Variants in CGB1 observed in about 807,000 individuals in gnomAD.
CGB1 encodes chorionic gonadotropin subunit beta 1, also known as choriogonadotropin subunit beta variant 1.
Under a neutral mutation model 7.0 loss-of-function variants are expected in CGB1, and 4 were observed. The ratio of observed to expected loss-of-function variants is 0.57; its 90% confidence interval spans 0.28 to 1.31. The LOEUF is 1.31. Among genes scored for constraint, CGB1 ranks in the 50% most tolerant of loss-of-function variants. The pLI is 0.10. For missense variants in CGB1, 139 were observed against 219.1 expected, an observed-to-expected ratio of 0.63 and a Z score of 2.31; for synonymous variants, 72 against 96.4, an observed-to-expected ratio of 0.75 and a Z score of 1.48.
At position 49,036,740 on chromosome 19, in the gene CGB1, A is replaced by T; in HGVS notation, c.-29T>A. 1 of 1,613,702 alleles carries T rather than the reference A, an allele frequency of 6.2e-7. No individual in the cohort carries two copies. The highest frequency in any genetic ancestry group is 8.5e-7 in the Non-Finnish European group (1 of 1,179,630). ...TCTCTCTTAGCGGGATATCTTCCGC[A>T]AGCACTGGGAATGTGGACATGGAAA... On this transcript the variant is annotated 5_prime_UTR_variant, in exon 1 of 3. Transcript: ENST00000301407.
At position 49,035,585 on chromosome 19, in the gene CGB1, T is replaced by G; in HGVS notation, c.*25A>C. The stretch of plus-strand genomic sequence containing the variant: ...CCTCCAGAGTGCGGATTGAGAAGCC[T>G]TTATTGTGGGAGGATCGGGGTGTCC... On this transcript the variant is annotated 3_prime_UTR_variant, in exon 3 of 3. Coordinates refer to ENST00000301407, the MANE Select transcript of CGB1 (RefSeq NM_033377.2). The G allele has an allele frequency of 6.2e-7, 1 of 1,611,862 alleles. No individual in the cohort carries two copies. The highest frequency in any genetic ancestry group is 8.5e-7 in the Non-Finnish European group (1 of 1,179,902).
chr19:49,035,731 G>A lies in CGB1; in HGVS notation c.347C>T (p.Thr116Ile), dbSNP rs1600223327. 1 of 1,608,906 alleles carries A rather than the reference G, an allele frequency of 6.2e-7. No homozygotes were observed. Among genetic ancestry groups the A allele is most frequent in the South Asian group, 1.1e-5 (1 of 90,868 alleles). The change falls in exon 3 of 3, where the codon ACT becomes ATT. Residue 116 changes from threonine (T) to isoleucine (I), a missense_variant. Physicochemically the swap from Thr to Ile is moderately conservative, Grantham distance 89 (BLOSUM62 -1). Around this residue, in one of 4 missense-constraint regions of CGB1, gnomAD observed 60 missense variants for 105.8 expected, o/e 0.57. Transcript: ENST00000301407. The part of the protein sequence containing the change: ...CQCALCRRST[T>I]DCGGPKDHPL... Reference sequence around the variant, plus strand: ...GTGGTCCTTGGGACCCCCGCAGTCAGTGGTGCTGCGGCGGCAGAGTGCACA... The same window carrying A: ...GTGGTCCTTGGGACCCCCGCAGTCAATGGTGCTGCGGCGGCAGAGTGCACA...
At chr19:49,036,624 G>A in intron 1 of CGB1, 79 bp downstream of exon 1, 3 of 1,614,008 alleles carry the variant, frequency 1.9e-6, no homozygotes, top group South Asian at 2.2e-5. Flanking sequence ...CTGGAAGGAG[G>A]TGGAAGGTGC....
intron 1 of CGB1, 139 bp downstream of exon 1, chr19:49,036,564 C>A (rs1329525188): frequency 2.7e-5 from 43 of 1,612,034 alleles, no homozygotes; most frequent in Non-Finnish European, 3.6e-5. Flanking sequence ...CAGAAAGAGG[C>A]CTCCTTCCAC....
chr19:49,036,338 A>T (rs1342686215), intron 1 of CGB1, 35 bp from the exon 2 acceptor site: 2 of 1,603,128 alleles, frequency 1.2e-6, no homozygotes, highest in East Asian at 4.5e-5. Flanking sequence ...CGGGTCTGAG[A>T]CTGCAGCCCC....
chr19:49,036,854 T>G lies in CGB1; in HGVS notation c.-143A>C. 2.5e-6 allele frequency: 3 copies of G among 1,200,942 alleles called. No homozygotes were observed. Among genetic ancestry groups the G allele is most frequent in the South Asian group, 1.3e-5 (1 of 78,782 alleles). The allele number at this position is 1,200,942 out of a possible 1,614,324, so 74.4% of individuals were successfully genotyped here. ...CCTGGCCAGAGTCAGCGGACCCAATTGGCTGCTCTCTCTCAGATGCAGTTC... is the reference window on the plus strand; with the variant it reads ...CCTGGCCAGAGTCAGCGGACCCAATGGGCTGCTCTCTCTCAGATGCAGTTC... On this transcript the variant is annotated 5_prime_UTR_variant, in exon 1 of 3. Coordinates refer to ENST00000301407, the MANE Select transcript of CGB1 (RefSeq NM_033377.2).
Position 49,036,803 on chromosome 19 carries a change from G to T in CGB1, c.-92C>A. 1.3e-6 allele frequency: 2 copies of T among 1,590,286 alleles called. No individual in the cohort carries two copies. Among genetic ancestry groups the T allele is most frequent in the East Asian group, 4.5e-5 (2 of 44,696 alleles). On this transcript the variant is annotated 5_prime_UTR_variant, in exon 1 of 3. Coordinates refer to ENST00000301407, the MANE Select transcript of CGB1 (RefSeq NM_033377.2). ...TCCGTGGGGGAGTGAGACAGGGAGT[G>T]AGGGGTGTTGGACGCGGCACGGGAA...
intron 1 of CGB1, 186 bp downstream of exon 1, chr19:49,036,517 C>G (rs961469022): frequency 6.9e-6 from 11 of 1,594,790 alleles, no homozygotes; most frequent in Non-Finnish European, 6.8e-6. Context: ...CCCTCAGGAA[C>G]TGACCCACCT....
rs752261004 is a variant in CGB1, at chr19:49,035,647, G to C, written c.431C>G (p.Pro144Arg). ...QDSSSSKAPP[P>R]SLPSPSRLPG... is the part of the protein sequence containing the mutation. ...GAGACGGGATGGACTTGGAAGGCTG[G>C]GGGGAGGGGCCTTTGAGGAAGAGGA... Residue 144 changes from proline to arginine, a missense_variant, in exon 3 of 3, where the codon CCC (proline) becomes CGC (arginine). Around this residue, in one of 4 missense-constraint regions of CGB1, gnomAD observed 44 missense variants for 35.0 expected, o/e 1.26. Coordinates refer to ENST00000301407, the MANE Select transcript of CGB1 (RefSeq NM_033377.2). 9.3e-6 allele frequency: 15 copies of C among 1,611,112 alleles called. No individual in the cohort carries two copies. Among genetic ancestry groups the C allele is most frequent in the African/African-American group, 2.7e-5 (2 of 74,100 alleles).
rs1568659618 is a variant in CGB1, at chr19:49,035,805, C to T, written c.273G>A (p.Pro91=). The change falls in exon 3 of 3, where the codon CCG becomes CCA. Residue 91 remains proline, a synonymous_variant. Coordinates refer to ENST00000301407, the MANE Select transcript of CGB1 (RefSeq NM_033377.2). ...RFESIRLPGC[P]RGVNPVVSYA... ...AGGAGACCACGGGGTTCACGCCGCG[C>T]GGGCAGCCAGGGAGCCGGATGGACT... 6.3e-6 allele frequency: 10 copies of T among 1,587,884 alleles called. No homozygotes were observed. The East Asian group carries it at 1.1e-4, about 18-fold the overall frequency.
At position 49,036,840 on chromosome 19, in the gene CGB1, T is replaced by A. The variant is rs1198195794; in HGVS notation, c.-129A>T. ...ACGCGGCACGGGAACCTGGCCAGAG[T>A]CAGCGGACCCAATTGGCTGCTCTCT... On this transcript the variant is annotated 5_prime_UTR_variant, in exon 1 of 3. Coordinates refer to ENST00000301407, the MANE Select transcript of CGB1 (RefSeq NM_033377.2). 1 of 1,339,778 alleles carries A rather than the reference T, an allele frequency of 7.5e-7. No homozygotes were observed. Among genetic ancestry groups the A allele is most frequent in the East Asian group, 2.3e-5 (1 of 42,898 alleles). 83.0% of individuals were successfully genotyped at this position (1,339,778 alleles called of 1,614,324 possible).
intron 1 of CGB1, 41 bp downstream of exon 1, chr19:49,036,662 C>T (rs764676756): frequency 1.9e-5 from 30 of 1,613,864 alleles, no homozygotes; most frequent in Middle Eastern, 1.6e-4. Flanking sequence ...TTTCCTGGAA[C>T]ATCTCCATCT....
In CGB1 at chr19:49,036,785, G is replaced by A; in HGVS notation, c.-74C>T. 6.2e-7 allele frequency: 1 copy of A among 1,608,830 alleles called. No individual in the cohort carries two copies. The highest frequency in any genetic ancestry group is 1.1e-5 in the South Asian group (1 of 90,956). On this transcript the variant is annotated 5_prime_UTR_variant, in exon 1 of 3. Coordinates refer to ENST00000301407, the MANE Select transcript of CGB1 (RefSeq NM_033377.2). ...TGGAAAGTAAATTGAGTCTCCGTGGGGGAGTGAGACAGGGAGTGAGGGGTG... is the reference window on the plus strand; with the variant it reads ...TGGAAAGTAAATTGAGTCTCCGTGGAGGAGTGAGACAGGGAGTGAGGGGTG...
At chr19:49,036,330 G>A (rs754235720) in intron 1 of CGB1, 27 bp from the exon 2 acceptor site, 160 of 1,603,396 alleles carry the variant, frequency 1.0e-4, no homozygotes, top group Non-Finnish European at 1.2e-4. Context: ...GCTTCACCCG[G>A]GTCTGAGACT....
rs762625218 is a variant in CGB1 at position 49,036,737 on chromosome 19, C to T, written c.-26G>A. ...GTCTCTCTCTTAGCGGGATATCTTC[C>T]GCAAGCACTGGGAATGTGGACATGG... On this transcript the variant is annotated 5_prime_UTR_variant, in exon 1 of 3. Coordinates refer to ENST00000301407, the MANE Select transcript of CGB1 (RefSeq NM_033377.2). 98 of 1,613,708 alleles carry T rather than the reference C, an allele frequency of 6.1e-5. No individual in the cohort carries two copies. Among genetic ancestry groups the T allele is most frequent in the Non-Finnish European group, 7.6e-5 (90 of 1,179,770 alleles).
Position 49,036,837 on chromosome 19 carries a change from G to T in CGB1, c.-126C>A, listed in dbSNP as rs1345735543. On this transcript the variant is annotated 5_prime_UTR_variant, in exon 1 of 3. The change creates a new upstream start codon in the 5' untranslated region. Coordinates refer to ENST00000301407, the MANE Select transcript of CGB1 (RefSeq NM_033377.2). ...TGGACGCGGCACGGGAACCTGGCCAGAGTCAGCGGACCCAATTGGCTGCTC... is the reference window on the plus strand; with the variant it reads ...TGGACGCGGCACGGGAACCTGGCCATAGTCAGCGGACCCAATTGGCTGCTC... 4 of 1,359,334 alleles carry T rather than the reference G, an allele frequency of 2.9e-6. No individual in the cohort carries two copies. Among genetic ancestry groups the T allele is most frequent in the Non-Finnish European group, 4.2e-6 (4 of 955,446 alleles). The allele number at this position is 1,359,334 out of a possible 1,614,324, so 84.2% of individuals were successfully genotyped here. A position where few individuals can be genotyped will look rare whatever the true frequency, so the allele number is the denominator to read the frequency against.
intron 2 of CGB1, 33 bp downstream of exon 2, chr19:49,036,103 T>A (rs2039813018): frequency 6.2e-7 from 1 of 1,605,322 alleles, no homozygotes; most frequent in South Asian, 1.1e-5. Flanking sequence ...GGCCCTGAGG[T>A]GGCAGCACCT....
At position 49,036,482 on chromosome 19, in the gene CGB1, G is replaced by T. The variant is rs539116646; in HGVS notation, c.10-179C>A. 5 of 1,557,396 alleles carry T rather than the reference G, an allele frequency of 3.2e-6. No homozygotes were observed. The South Asian group carries it at 6.0e-5, about 19-fold the overall frequency. On this transcript the variant is annotated intron_variant, in intron 1 of 2. Coordinates refer to ENST00000301407, the MANE Select transcript of CGB1 (RefSeq NM_033377.2). ...CCACCCCACAGCCCAGAGGACCTGA[G>T]ATACCCCAACATTTCAGATCCGCAC... is the stretch of plus-strand genomic sequence containing the variant.
In CGB1 at chr19:49,036,591, C is replaced by T. The variant is rs182231647; in HGVS notation, c.9+112G>A. On this transcript the variant is annotated intron_variant, in intron 1 of 2. Coordinates refer to ENST00000301407, the MANE Select transcript of CGB1 (RefSeq NM_033377.2). ...TCCTTCCACAGCTCACACGGGTCTG[C>T]CCCTTCTCATGCCAGTGATGGCCTG... 8.7e-6 allele frequency: 14 copies of T among 1,613,778 alleles called. No homozygotes were observed. In the African/African-American group the frequency reaches 1.9e-4, roughly 22 times the overall value.
Sources: allele counts gnomAD v4.1 joint callset, GRCh38; gene constraint gnomAD v4.1.1; regional missense constraint gnomAD v4.1.1; transcripts MANE v1.5; gene names NCBI Gene and HGNC (gene_info 2026-07-23, HGNC 2026-07-21).